TMEM267: variants seen among roughly 807,000 people sequenced by gnomAD.
The protein encoded by TMEM267 is transmembrane protein C5orf28.
TMEM267 carries 20 observed loss-of-function variants against 19.3 expected under a neutral mutation model. The observed-to-expected ratio is 1.04, with a 90% CI of 0.73 to 1.51. The LOEUF is 1.51. Among genes scored for constraint, TMEM267 ranks in the 40% most tolerant of loss-of-function variants. The pLI is 0.00. For missense variants in TMEM267, 242 were observed against 261.9 expected (o/e 0.92, Z 0.52); for synonymous variants, 88 against 90.3 (o/e 0.97, Z 0.15).
chr5:43,462,041 A>G (rs560118356), intron 1 of TMEM267, among the ~76,000 whole-genome samples: 54 of 152,344 alleles, frequency 3.5e-4, no homozygotes, highest in Non-Finnish European at 2.4e-4. Context: ...AGTTGTGGCC[A>G]CAGGGGTGCT....
At chr5:43,452,626 C>T (rs1316784143) in intron 2 of TMEM267, among the ~76,000 whole-genome samples, 2 of 150,132 alleles carry the variant, frequency 1.3e-5, no homozygotes, top group East Asian at 3.9e-4. Flanking sequence ...AAGTACTCTA[C>T]TAACACCAAA....
At chr5:43,483,886 A>AT (rs1490863098), upstream of TMEM267, 1 of 151,062 alleles carries the variant, frequency 6.6e-6, no homozygotes, top group Non-Finnish European at 1.5e-5. Context: ...GGTCGGAGCC[A>AT]TAGAGACGTC....
At chr5:43,449,604 G>A (rs1742460092) in intron 2 of TMEM267, among the ~76,000 whole-genome samples, 1 of 152,176 alleles carries the variant, frequency 6.6e-6, no homozygotes, top group Non-Finnish European at 1.5e-5. Flanking sequence ...CCACGCAAAA[G>A]ATAAAATAAC....
chr5:43,452,004 A>G (rs1235057565), intron 2 of TMEM267, among the ~76,000 whole-genome samples: 10 of 149,480 alleles, frequency 6.7e-5, no homozygotes, highest in Non-Finnish European at 5.9e-5. Context: ...CCTGAGCCCA[A>G]GAGGTTGATG....
chr5:43,478,881 T>A (rs1251282204), intron 1 of TMEM267, among the ~76,000 whole-genome samples: 3 of 152,124 alleles, frequency 2.0e-5, no homozygotes, highest in Non-Finnish European at 2.9e-5. Flanking sequence ...AGGGAAATAA[T>A]GATCACTCTC....
At chr5:43,459,820 A>C (rs768502551) in intron 1 of TMEM267, among the ~76,000 whole-genome samples, 92 of 152,244 alleles carry the variant, frequency 6.0e-4, no homozygotes, top group Admixed American at 1.4e-3. Flanking sequence ...GGCACCAGGG[A>C]CTGGTTTTGT....
chr5:43,450,063 T>A (rs1742488227), intron 2 of TMEM267, among the ~76,000 whole-genome samples: 1 of 152,060 alleles, frequency 6.6e-6, no homozygotes, highest in Non-Finnish European at 1.5e-5. Flanking sequence ...GGCACAATCT[T>A]AGCTCACTGT....
intron 1 of TMEM267, among the ~76,000 whole-genome samples, chr5:43,469,969 G>A (rs1743965412): frequency 6.6e-6 from 1 of 152,066 alleles, no homozygotes; most frequent in African/African-American, 2.4e-5. Context: ...TGCTTCCTTT[G>A]CCCTATTTAT....
intron 1 of TMEM267, chr5:43,454,721 C>T (rs945899035): frequency 6.6e-6 from 1 of 152,206 alleles, no homozygotes; most frequent in Non-Finnish European, 1.5e-5. Flanking sequence ...GATCTTGCAG[C>T]TCCCCCTCCA....
intron 1 of TMEM267, among the ~76,000 whole-genome samples, chr5:43,478,710 G>A (rs2112214168): frequency 6.6e-6 from 1 of 151,980 alleles, no homozygotes; most frequent in East Asian, 1.9e-4. Flanking sequence ...ATAATAATGT[G>A]GGCAATGTAC....
Position 43,453,973 on chromosome 5 carries a change from AAAC to A in TMEM267, c.-7_-5del, listed in dbSNP as rs761593719. 3 of 1,609,852 alleles carry A rather than the reference AAAC, an allele frequency of 1.9e-6. No homozygotes were observed. In the African/African-American group the frequency reaches 4.0e-5, roughly 22 times the overall value. ...TCTTTTCAGTCTCGGATGCCATGAC[AAAC>A]AATATGTTAGTATAGACTAAAAGCC... On this transcript the variant is annotated 5_prime_UTR_variant, in exon 2 of 3. Coordinates refer to ENST00000397080, the MANE Select transcript of TMEM267 (RefSeq NM_022483.5).
intron 1 of TMEM267, among the ~76,000 whole-genome samples, chr5:43,476,508 C>CTGTTTTT (rs1744431097): frequency 1.8e-5 from 1 of 54,796 alleles, no homozygotes; most frequent in African/African-American, 7.8e-5. Flanking sequence ...AAAGCCAGAC[C>CTGTTTTT]TTTTTTTTTT....
At chr5:43,461,790 C>T (rs1471006720) in intron 1 of TMEM267, among the ~76,000 whole-genome samples, 2 of 152,132 alleles carry the variant, frequency 1.3e-5, no homozygotes, top group East Asian at 1.9e-4. Context: ...ATCAGGTAGA[C>T]GTCTAAGGTT....
chr5:43,473,333 A>G (rs1253394032), intron 1 of TMEM267, among the ~76,000 whole-genome samples: 3 of 152,106 alleles, frequency 2.0e-5, no homozygotes, highest in Non-Finnish European at 4.4e-5. Flanking sequence ...TTTGCAGATG[A>G]CATGATTGTA....
At chr5:43,482,884 C>T (rs1744873528) in intron 1 of TMEM267, among the ~76,000 whole-genome samples, 1 of 152,202 alleles carries the variant, frequency 6.6e-6, no homozygotes, top group Non-Finnish European at 1.5e-5. Flanking sequence ...TGCTAATAAT[C>T]TCTTAGACAT....
Position 43,476,508 on chromosome 5 carries a change from C to CTTTTTTTT in TMEM267, c.-75+7306_-75+7313dup, listed in dbSNP as rs67848213. Among the ~76,000 whole-genome samples the CTTTTTTTT allele has an allele frequency of 5.9e-3, 326 of 54,840 alleles. 30 individuals carry two copies. The highest frequency in any genetic ancestry group is 0.022 in the African/African-American group (278 of 12,842). 36.0% of individuals were successfully genotyped at this position (54,840 alleles called of 152,430 possible). On this transcript the variant is annotated intron_variant, in intron 1 of 2. Coordinates refer to ENST00000397080, the MANE Select transcript of TMEM267 (RefSeq NM_022483.5). ...ATCCTAACTGATACAAAAGCCAGAC[C>CTTTTTTTT]TTTTTTTTTTTTTTTTTTTTTTTTT...
intron 1 of TMEM267, among the ~76,000 whole-genome samples, chr5:43,469,889 A>G (rs1561195170): frequency 1.3e-5 from 2 of 152,182 alleles, no homozygotes; most frequent in African/African-American, 2.4e-5. Context: ...ATGTAAACGG[A>G]TGGCTTATCT....
chr5:43,449,803 C>G (rs1742472353), intron 2 of TMEM267, among the ~76,000 whole-genome samples: 1 of 152,062 alleles, frequency 6.6e-6, no homozygotes, highest in Admixed American at 6.6e-5. Flanking sequence ...GATTAAGGAG[C>G]CTATGGTAAT....
intron 2 of TMEM267, among the ~76,000 whole-genome samples, chr5:43,451,002 T>C (rs1742553153): frequency 6.9e-6 from 1 of 144,508 alleles, no homozygotes. Context: ...GCCCGGCTAA[T>C]TTTTTTTTGT....
Sources: gnomAD v4.1 joint callset for allele counts (sites outside exome capture counted in the v4.1 genomes callset) on GRCh38, gnomAD v4.1.1 for gene constraint, MANE v1.5 for transcripts, NCBI Gene and HGNC (gene_info 2026-07-23, HGNC 2026-07-21) for gene names.